The following CNBD1 variants were observed in gnomAD, a reference collection of about 807,000 sequenced individuals.
CNBD1 encodes the protein cyclic nucleotide-binding domain-containing protein 1.
CNBD1 carries 71 observed loss-of-function variants against 54.4 expected under a neutral mutation model. That is an observed-to-expected ratio of 1.30 (90% CI 1.08 to 1.59). The LOEUF (loss-of-function observed/expected upper bound fraction) is 1.59, where lower values mean the gene tolerates loss of function less well. Among genes scored for constraint, CNBD1 ranks in the 40% most tolerant of loss-of-function variants. The probability of loss-of-function intolerance (pLI) is 0.00; values close to 1 mark genes in which losing one functional copy is unlikely to be tolerated. For synonymous variants in CNBD1, 182 were observed against 170.7 expected (o/e 1.07, Z -0.51); for missense variants, 659 against 518.0 (o/e 1.27, Z -2.64).
intron 8 of CNBD1, among the ~76,000 whole-genome samples, chr8:87,303,517 C>T (rs1809063749): frequency 6.6e-6 from 1 of 151,992 alleles, no homozygotes; most frequent in Non-Finnish European, 1.5e-5. Flanking sequence ...AATGTTAGAC[C>T]TAAAACCATA....
chr8:87,183,887 G>C (rs1161529521), intron 4 of CNBD1, among the ~76,000 whole-genome samples: 1 of 152,166 alleles, frequency 6.6e-6, no homozygotes, highest in African/African-American at 2.4e-5. Context: ...TGGCACTTTG[G>C]GGTCAAACAC....
intron 4 of CNBD1, among the ~76,000 whole-genome samples, chr8:86,957,069 C>T (rs1807793751): frequency 6.6e-6 from 1 of 152,168 alleles, no homozygotes; most frequent in Admixed American, 6.5e-5. Flanking sequence ...AAGGCTTTTT[C>T]TGCATCTGTT....
At chr8:87,190,502 C>T (rs117212981) in intron 4 of CNBD1, among the ~76,000 whole-genome samples, 1,889 of 152,210 alleles carry the variant, frequency 0.012, 15 homozygotes, top group Non-Finnish European at 0.019. Context: ...TCCATTACTA[C>T]CCTCTTTCGC....
Position 86,939,740 on chromosome 8 carries a change from T to A in CNBD1, c.417T>A (p.Ala139=). 1 of 1,558,254 alleles carries A rather than the reference T, an allele frequency of 6.4e-7. No individual in the cohort carries two copies. The highest frequency in any genetic ancestry group is 8.7e-7 in the Non-Finnish European group (1 of 1,148,626). Reference sequence around the variant, plus strand: ...CAGAGAAATTTGAAGAATTCCTAGCTATCTTAAAGAAATTGTAAGTATTTA... The same window carrying A: ...CAGAGAAATTTGAAGAATTCCTAGCAATCTTAAAGAAATTGTAAGTATTTA... ...RATEKFEEFL[A]ILKKLPIHRT... is the part of the protein sequence containing the mutation. Residue 139 remains alanine (A), a synonymous_variant, in exon 4 of 11, where the codon GCT becomes GCA. Transcript: ENST00000518476.
At chr8:87,081,231 C>T (rs1267913539) in intron 4 of CNBD1, among the ~76,000 whole-genome samples, 1 of 151,824 alleles carries the variant, frequency 6.6e-6, no homozygotes, top group Non-Finnish European at 1.5e-5. Flanking sequence ...ATAATATTTT[C>T]TAATCTTTCC....
At chr8:87,381,707 A>G (rs1453328778) in intron 10 of CNBD1, among the ~76,000 whole-genome samples, 3 of 152,042 alleles carry the variant, frequency 2.0e-5, no homozygotes, top group Non-Finnish European at 4.4e-5. Flanking sequence ...ATGTAATAGG[A>G]GAGATGAGCC....
intron 4 of CNBD1, among the ~76,000 whole-genome samples, chr8:87,133,623 G>A (rs2130729296): frequency 6.6e-6 from 1 of 151,858 alleles, no homozygotes; most frequent in South Asian, 2.1e-4. Flanking sequence ...TTTCTACTAG[G>A]TGGGGTGCTT....
chr8:87,130,323 A>C (rs911134562), intron 4 of CNBD1, among the ~76,000 whole-genome samples: 30 of 152,216 alleles, frequency 2.0e-4, no homozygotes, highest in Middle Eastern at 3.2e-3. Flanking sequence ...ATGGTTCAAC[A>C]TACAGTGCAT....
At chr8:87,317,317 C>A (rs948524449) in intron 8 of CNBD1, among the ~76,000 whole-genome samples, 5 of 151,384 alleles carry the variant, frequency 3.3e-5, no homozygotes, top group African/African-American at 9.7e-5. Context: ...TCTAAGCTAG[C>A]CATTTAATGC....
At chr8:86,887,073 G>A (rs925103442) in intron 1 of CNBD1, among the ~76,000 whole-genome samples, 35 of 152,172 alleles carry the variant, frequency 2.3e-4, no homozygotes, top group African/African-American at 8.2e-4. Context: ...GCTCTGAAGA[G>A]GGGGAACAAA....
chr8:87,061,553 C>T (rs988155048), intron 4 of CNBD1, among the ~76,000 whole-genome samples: 2 of 152,276 alleles, frequency 1.3e-5, no homozygotes, highest in African/African-American at 4.8e-5. Flanking sequence ...AATGGCACTT[C>T]TTTCACAACT....
intron 4 of CNBD1, among the ~76,000 whole-genome samples, chr8:87,032,146 T>G (rs989017727): frequency 3.9e-5 from 6 of 152,244 alleles, no homozygotes; most frequent in African/African-American, 1.4e-4. Flanking sequence ...ATACATTTAA[T>G]GGTATGGATC....
chr8:86,953,821 C>T (rs777804652), intron 4 of CNBD1, among the ~76,000 whole-genome samples: 44 of 146,696 alleles, frequency 3.0e-4, no homozygotes, highest in Non-Finnish European at 4.9e-4. Flanking sequence ...GAGCCAAGAT[C>T]GTGCTACTGC....
chr8:87,069,151 AT>A (rs1181762585), intron 4 of CNBD1, among the ~76,000 whole-genome samples: 6 of 151,946 alleles, frequency 3.9e-5, no homozygotes, highest in Admixed American at 6.6e-5. Context: ...CCGTTTATAC[AT>A]TTTTTTGTAT....
At chr8:87,227,200 C>A (rs891082201) in intron 5 of CNBD1, among the ~76,000 whole-genome samples, 13 of 152,010 alleles carry the variant, frequency 8.6e-5, no homozygotes, top group African/African-American at 2.7e-4. Context: ...ATCCAATTTG[C>A]CAGTCTGTGT....
chr8:87,374,524 T>C (rs1362489229), intron 10 of CNBD1, among the ~76,000 whole-genome samples: 1 of 151,814 alleles, frequency 6.6e-6, no homozygotes, highest in African/African-American at 2.4e-5. Context: ...GGTTCTAGAC[T>C]GGTACACCTT....
At chr8:87,120,284 C>T (rs1811863481) in intron 4 of CNBD1, among the ~76,000 whole-genome samples, 1 of 151,984 alleles carries the variant, frequency 6.6e-6, no homozygotes, top group Non-Finnish European at 1.5e-5. Context: ...TCTATTACTT[C>T]CTGATTCAAT....
intron 3 of CNBD1, among the ~76,000 whole-genome samples, chr8:86,916,693 A>G (rs1003353836): frequency 6.6e-6 from 1 of 151,160 alleles, no homozygotes. Context: ...TGGCTGCAAC[A>G]TTATTATTTT....
intron 5 of CNBD1, among the ~76,000 whole-genome samples, chr8:87,220,163 T>A (rs894163239): frequency 1.3e-5 from 2 of 152,076 alleles, no homozygotes; most frequent in Non-Finnish European, 2.9e-5. Context: ...AACTATTTTT[T>A]AAAGTAACTT....
Sources: gnomAD v4.1 joint callset for allele counts (sites outside exome capture counted in the v4.1 genomes callset) on GRCh38, gnomAD v4.1.1 for gene constraint, MANE v1.5 for transcripts, NCBI Gene and HGNC (gene_info 2026-07-23, HGNC 2026-07-21) for gene names.